RANBP17: variants seen among roughly 807,000 people sequenced by gnomAD.
RANBP17 encodes RAN binding protein 17, also known as ran-binding protein 17.
RANBP17 carries 158 observed loss-of-function variants against 141.2 expected under a neutral mutation model. The observed-to-expected ratio is 1.12, with a 90% CI of 0.98 to 1.28. The LOEUF is 1.28. Among genes scored for constraint, RANBP17 ranks in the 50% most tolerant of loss-of-function variants. RANBP17 has a pLI of 0.00. For missense variants in RANBP17, 1,438 were observed against 1,290.7 expected (o/e 1.11, Z -1.75); for synonymous variants, 430 against 450.0 (o/e 0.96, Z 0.56).
At position 171,274,410 on chromosome 5, in the gene RANBP17, C is replaced by T. The variant is rs532572127; in HGVS notation, c.2943+8563C>T. On this transcript the variant is annotated intron_variant, in intron 25 of 27. Coordinates refer to ENST00000523189, the MANE Select transcript of RANBP17 (RefSeq NM_022897.5). ...CCTATGATGTTATGAAAGTACTTAT[C>T]TATCTTTTCAAGAATGATCTAGTCC... 6.6e-5 allele frequency among the ~76,000 whole-genome samples: 10 copies of T among 152,138 alleles called. No homozygotes were observed. The South Asian group carries it at 2.1e-3, about 32-fold the overall frequency.
chr5:171,171,178 A>G (rs777797339), intron 15 of RANBP17, 28 bp from the exon 16 acceptor site: 7 of 1,271,852 alleles, frequency 5.5e-6, no homozygotes, highest in African/African-American at 3.0e-5. Flanking sequence ...TATCTTACTT[A>G]TAATTAAAGA....
At chr5:171,130,202 T>G (rs931452734) in intron 14 of RANBP17, among the ~76,000 whole-genome samples, 4 of 152,082 alleles carry the variant, frequency 2.6e-5, no homozygotes, top group African/African-American at 9.7e-5. Flanking sequence ...AAACAATTCT[T>G]GGAACACTCT....
intron 14 of RANBP17, among the ~76,000 whole-genome samples, chr5:171,115,998 G>A (rs1186863768): frequency 1.3e-4 from 20 of 152,122 alleles, no homozygotes; most frequent in Admixed American, 1.3e-3. Context: ...CATGAATAAA[G>A]AGGTACATTT....
intron 5 of RANBP17, among the ~76,000 whole-genome samples, chr5:170,904,905 T>C (rs1770953779): frequency 6.6e-6 from 1 of 152,154 alleles, no homozygotes; most frequent in African/African-American, 2.4e-5. Context: ...GTAATACCAC[T>C]AACTATTCAG....
intron 14 of RANBP17, among the ~76,000 whole-genome samples, chr5:171,008,098 T>A (rs1779779222): frequency 6.6e-6 from 1 of 152,110 alleles, no homozygotes; most frequent in Non-Finnish European, 1.5e-5. Flanking sequence ...CCTGCAATGA[T>A]TAAACACCAA....
At chr5:171,283,576 C>A (rs1177853939) in intron 25 of RANBP17, among the ~76,000 whole-genome samples, 1 of 152,164 alleles carries the variant, frequency 6.6e-6, no homozygotes, top group Admixed American at 6.5e-5. Context: ...AACTCTAATA[C>A]TTAATGGAAA....
chr5:171,287,620 G>A (rs1264055432), intron 25 of RANBP17, among the ~76,000 whole-genome samples: 1 of 151,424 alleles, frequency 6.6e-6, no homozygotes, highest in East Asian at 1.9e-4. Flanking sequence ...CCCTATCCAG[G>A]TCCAGATACA....
chr5:171,107,189 A>G (rs533928729), intron 14 of RANBP17, among the ~76,000 whole-genome samples: 1 of 152,366 alleles, frequency 6.6e-6, no homozygotes, highest in East Asian at 1.9e-4. Context: ...CCACACAGAC[A>G]GTAAAGAACA....
intron 18 of RANBP17, among the ~76,000 whole-genome samples, chr5:171,186,521 A>ATTT (rs1243325206): frequency 1.4e-4 from 4 of 29,504 alleles, no homozygotes; most frequent in Admixed American, 4.7e-4. Flanking sequence ...CACTGGTATG[A>ATTT]TTTTCTTTTT....
In RANBP17 at chr5:171,170,160, A is replaced by G. The variant is rs144299665; in HGVS notation, c.1741A>G (p.Ile581Val). 5 of 1,589,098 alleles carry G rather than the reference A, an allele frequency of 3.1e-6. No individual in the cohort carries two copies. Among genetic ancestry groups the G allele is most frequent in the Non-Finnish European group, 4.3e-6 (5 of 1,165,940 alleles). ...VYARMSEVLG[I>V]TDDNHVLETF... ...TGCTCGTATGTCAGAAGTCTTAGGA[A>G]TAACAGATGACAACCACGTTCTAGA... Residue 581 changes from isoleucine to valine, a missense_variant, in exon 15 of 28, where the codon ATA becomes GTA. By Grantham distance (29) the Ile-to-Val change is conservative. Transcript: ENST00000523189.
chr5:170,975,390 G>A (rs893939113), intron 14 of RANBP17, among the ~76,000 whole-genome samples: 4 of 152,096 alleles, frequency 2.6e-5, no homozygotes, highest in East Asian at 1.9e-4. Context: ...TTAGCCAGGC[G>A]TGGTGGCACG....
chr5:170,953,558 A>G, intron 12 of RANBP17, 39 bp from the exon 13 acceptor site: 1 of 1,348,848 alleles, frequency 7.4e-7, no homozygotes, highest in Non-Finnish European at 1.0e-6. Context: ...CGTTTCTATG[A>G]ATACTTACTA....
chr5:171,140,386 C>A (rs1362743633), intron 14 of RANBP17, among the ~76,000 whole-genome samples: 1 of 152,120 alleles, frequency 6.6e-6, no homozygotes, highest in Admixed American at 6.5e-5. Context: ...AAATTCAGTT[C>A]AATGTTTATT....
intron 14 of RANBP17, among the ~76,000 whole-genome samples, chr5:171,008,177 T>C (rs527902541): frequency 6.6e-4 from 101 of 152,298 alleles, no homozygotes; most frequent in Non-Finnish European, 2.9e-5. Context: ...ATGTGTCTCC[T>C]TTGTCTGTAC....
chr5:171,049,667 A>G (rs1782827306), intron 14 of RANBP17, among the ~76,000 whole-genome samples: 2 of 152,198 alleles, frequency 1.3e-5, no homozygotes, highest in South Asian at 4.1e-4. Flanking sequence ...CTAGGGGTCC[A>G]GTTTCAATCC....
chr5:171,114,086 A>G (rs1162553182), intron 14 of RANBP17, among the ~76,000 whole-genome samples: 1 of 152,166 alleles, frequency 6.6e-6, no homozygotes, highest in African/African-American at 2.4e-5. Context: ...TTAATTTCTA[A>G]TATGGTAAAT....
intron 14 of RANBP17, among the ~76,000 whole-genome samples, chr5:171,160,759 A>G (rs1017381379): frequency 1.3e-5 from 2 of 152,156 alleles, no homozygotes; most frequent in East Asian, 1.9e-4. Flanking sequence ...TTCTATAATG[A>G]AAGTGCTTCA....
At chr5:171,191,658 A>G (rs904681744) in intron 18 of RANBP17, among the ~76,000 whole-genome samples, 5 of 151,822 alleles carry the variant, frequency 3.3e-5, no homozygotes, top group Admixed American at 6.6e-5. Flanking sequence ...CTGCACTCCA[A>G]CCTGGGCAAC....
At chr5:171,246,979 T>C (rs1765250281) in intron 24 of RANBP17, among the ~76,000 whole-genome samples, 1 of 152,234 alleles carries the variant, frequency 6.6e-6, no homozygotes, top group Non-Finnish European at 1.5e-5. Flanking sequence ...AACAGTGTCT[T>C]ACTCACTATT....
Sources: gnomAD v4.1 joint callset for allele counts (sites outside exome capture counted in the v4.1 genomes callset) on GRCh38, gnomAD v4.1.1 for gene constraint, MANE v1.5 for transcripts, NCBI Gene and HGNC (gene_info 2026-07-23, HGNC 2026-07-21) for gene names.